DAAM1: variants seen among roughly 807,000 people sequenced by gnomAD.
DAAM1 encodes disheveled-associated activator of morphogenesis 1.
DAAM1 carries 52 observed loss-of-function variants against 130.0 expected under a neutral mutation model. The observed-to-expected ratio is 0.40, with a 90% CI of 0.32 to 0.50. The LOEUF (loss-of-function observed/expected upper bound fraction) is 0.50, where lower values mean the gene tolerates loss of function less well. Among genes scored for constraint, DAAM1 ranks in the 20% least tolerant of loss-of-function variants. DAAM1 has a pLI of 0.61. For synonymous variants in DAAM1, 452 were observed against 444.5 expected (o/e 1.02, Z -0.21); for missense variants, 1,134 against 1,303.8 (o/e 0.87, Z 2.01).
At chr14:59,243,486 G>C (rs1031456811) in intron 1 of DAAM1, among the ~76,000 whole-genome samples, 2 of 152,162 alleles carry the variant, frequency 1.3e-5, no homozygotes, top group African/African-American at 4.8e-5. Context: ...TTCCAGCCCT[G>C]AGTGAGCCCC....
intron 1 of DAAM1, among the ~76,000 whole-genome samples, chr14:59,250,517 T>C (rs1436628425): frequency 1.3e-5 from 2 of 152,192 alleles, no homozygotes; most frequent in African/African-American, 2.4e-5. Flanking sequence ...ATATAACAAC[T>C]AAGGAGTTAT....
At chr14:59,240,406 G>C (rs1368393875) in intron 1 of DAAM1, among the ~76,000 whole-genome samples, 1 of 152,138 alleles carries the variant, frequency 6.6e-6, no homozygotes, top group Non-Finnish European at 1.5e-5. Flanking sequence ...CCATGAATCA[G>C]GGTTCTTCAA....
intron 1 of DAAM1, among the ~76,000 whole-genome samples, chr14:59,259,748 C>A (rs17095971): frequency 0.11 from 16,619 of 152,216 alleles, 1,489 homozygotes; most frequent in African/African-American, 0.25. Context: ...GTGTTGGGTA[C>A]AAGAATTGAG....
Position 59,323,150 on chromosome 14 carries a change from T to G in DAAM1, c.699T>G (p.Val233=), listed in dbSNP as rs757156688. The stretch of plus-strand genomic sequence containing the variant: ...AAATCTTGGGCGCCGTGTGCCTGGT[T>G]CCCGGGGGCCACAAGAAGGTTCTGC... ...VLEILGAVCL[V]PGGHKKVLQA... is the part of the protein sequence containing the mutation. The change falls in exon 6 of 25, where the codon GTT becomes GTG. Residue 233 remains valine, a synonymous_variant. Coordinates refer to ENST00000360909, the MANE Select transcript of DAAM1 (RefSeq NM_001270520.2). The G allele has an allele frequency of 6.2e-7, 1 of 1,613,764 alleles. No homozygotes were observed. Among genetic ancestry groups the G allele is most frequent in the Non-Finnish European group, 8.5e-7 (1 of 1,179,862 alleles).
chr14:59,240,634 TG>T (rs765337909), intron 1 of DAAM1, among the ~76,000 whole-genome samples: 11 of 152,184 alleles, frequency 7.2e-5, no homozygotes, highest in Non-Finnish European at 1.3e-4. Flanking sequence ...TTCTGACACA[TG>T]GTGGAAAAAG....
chr14:59,256,380 G>C (rs1050723633), intron 1 of DAAM1, among the ~76,000 whole-genome samples: 1 of 152,180 alleles, frequency 6.6e-6, no homozygotes, highest in Non-Finnish European at 1.5e-5. Flanking sequence ...TGCCTGTTTT[G>C]TTGAAGAGCA....
At chr14:59,315,845 T>C (rs1349995406) in intron 4 of DAAM1, among the ~76,000 whole-genome samples, 1 of 152,210 alleles carries the variant, frequency 6.6e-6, no homozygotes, top group Admixed American at 6.5e-5. Flanking sequence ...CAGGAATTCA[T>C]AAAGCAAGTG....
intron 2 of DAAM1, among the ~76,000 whole-genome samples, chr14:59,285,428 C>G (rs1883401169): frequency 6.6e-6 from 1 of 152,244 alleles, no homozygotes; most frequent in Non-Finnish European, 1.5e-5. Context: ...CAAATCCTCA[C>G]ATATTAATAT....
At chr14:59,367,860 A>G (rs1350332986) in intron 24 of DAAM1, among the ~76,000 whole-genome samples, 1 of 152,198 alleles carries the variant, frequency 6.6e-6, no homozygotes, top group African/African-American at 2.4e-5. Context: ...AATAATCATA[A>G]ATTTACACAA....
At chr14:59,334,809 T>C (rs1885563296) in intron 15 of DAAM1, among the ~76,000 whole-genome samples, 2 of 152,180 alleles carry the variant, frequency 1.3e-5, no homozygotes, top group Non-Finnish European at 2.9e-5. Context: ...CTTCAAAGGA[T>C]GAAAATGTGT....
At position 59,354,060 on chromosome 14, in the gene DAAM1, TG is replaced by T. The variant is rs1241978627; in HGVS notation, c.2356+97del. ...CATATAGTAAACAAGATCCCCTTGG[TG>T]ATTTTTTTTTTTTTTTTGAGACGGA... On this transcript the variant is annotated intron_variant, in intron 19 of 24. Transcript: ENST00000360909. 6 of 1,201,504 alleles carry T rather than the reference TG, an allele frequency of 5.0e-6. No individual in the cohort carries two copies. In the East Asian group the frequency reaches 1.6e-4, roughly 33 times the overall value. 74.4% of individuals were successfully genotyped at this position (1,201,504 alleles called of 1,614,324 possible). A position where few individuals can be genotyped will look rare whatever the true frequency, so the allele number is the denominator to read the frequency against.
At position 59,370,144 on chromosome 14, in the gene DAAM1, C is replaced by CTTTTTT. The variant is rs398025271; in HGVS notation, c.*1306_*1311dup. The CTTTTTT allele has an allele frequency of 1.0e-5, 1 of 95,400 alleles. No individual in the cohort carries two copies. Among genetic ancestry groups the CTTTTTT allele is most frequent in the African/African-American group, 3.5e-5 (1 of 28,248 alleles). 5.9% of individuals were successfully genotyped at this position (95,400 alleles called of 1,614,324 possible). ...TATAAAGAGGACTGTTACTTTTTTA[C>CTTTTTT]TTTTTTTTTTTTTTTTTTTTTTTTT... On this transcript the variant is annotated 3_prime_UTR_variant, in exon 25 of 25. Transcript: ENST00000360909.
intron 2 of DAAM1, among the ~76,000 whole-genome samples, chr14:59,284,069 A>T (rs1422752027): frequency 6.6e-6 from 1 of 152,106 alleles, no homozygotes; most frequent in African/African-American, 2.4e-5. Flanking sequence ...GCTGGATGAT[A>T]AGTGATTTAA....
rs780482467 is a variant in DAAM1 at position 59,326,666 on chromosome 14, C to T, written c.1313+18C>T. 2 of 1,608,594 alleles carry T rather than the reference C, an allele frequency of 1.2e-6. No individual in the cohort carries two copies. Among genetic ancestry groups the T allele is most frequent in the South Asian group, 2.2e-5 (2 of 89,602 alleles). On this transcript the variant is annotated intron_variant, in intron 11 of 24. Coordinates refer to ENST00000360909, the MANE Select transcript of DAAM1 (RefSeq NM_001270520.2). ...GTACGAATGTAAGTCTCTTCTTATTCTGCTGCTGTGAGATAATGGTGACAA... is the reference window on the plus strand; with the variant it reads ...GTACGAATGTAAGTCTCTTCTTATTTTGCTGCTGTGAGATAATGGTGACAA...
chr14:59,195,676 GA>G (rs1342921911), intron 1 of DAAM1, among the ~76,000 whole-genome samples: 1 of 152,166 alleles, frequency 6.6e-6, no homozygotes, highest in Non-Finnish European at 1.5e-5. Context: ...AGGCTTACAA[GA>G]GTAGATAGCC....
At chr14:59,368,294 A>G (rs1887005419) in intron 24 of DAAM1, among the ~76,000 whole-genome samples, 1 of 152,056 alleles carries the variant, frequency 6.6e-6, no homozygotes, top group African/African-American at 2.4e-5. Flanking sequence ...CCTGATGACC[A>G]TTTGCTTTAG....
chr14:59,203,495 G>T (rs1034988058), intron 1 of DAAM1, among the ~76,000 whole-genome samples: 1 of 152,230 alleles, frequency 6.6e-6, no homozygotes, highest in South Asian at 2.1e-4. Flanking sequence ...AGGCCTTAGG[G>T]ATAATACTAC....
intron 1 of DAAM1, among the ~76,000 whole-genome samples, chr14:59,249,977 C>A (rs1227225121): frequency 1.3e-5 from 2 of 152,084 alleles, no homozygotes; most frequent in African/African-American, 4.8e-5. Flanking sequence ...TAAAATGTAC[C>A]AAGTAGTAAG....
chr14:59,270,319 T>C (rs530334644), intron 2 of DAAM1, among the ~76,000 whole-genome samples: 53 of 152,264 alleles, frequency 3.5e-4, no homozygotes, highest in African/African-American at 1.2e-3. Flanking sequence ...CTTCCACTCA[T>C]GGTGGAGGCA....
Sources: allele counts gnomAD v4.1 joint callset (sites outside exome capture counted in the v4.1 genomes callset), GRCh38; gene constraint gnomAD v4.1.1; transcripts MANE v1.5; gene names NCBI Gene and HGNC (gene_info 2026-07-23, HGNC 2026-07-21).